Variants in SUGCT observed in about 807,000 individuals in gnomAD.
SUGCT encodes succinyl-CoA:glutarate-CoA transferase.
A neutral mutation model predicts 55.0 loss-of-function variants in SUGCT; 41 were observed. That is an observed-to-expected ratio of 0.74 (90% CI 0.58 to 0.97). The LOEUF is 0.97. SUGCT is among the 50% of genes least tolerant of loss of function. SUGCT has a pLI of 0.00. For synonymous variants in SUGCT, 187 were observed against 200.4 expected (o/e 0.93, Z 0.56); for missense variants, 568 against 547.8 (o/e 1.04, Z -0.37).
At chr7:40,867,241 CATATA>C in the SUGCT span, among the ~76,000 whole-genome samples, 213 of 149,564 alleles carry the variant, frequency 1.4e-3, 5 homozygotes, top group South Asian at 0.037. Flanking sequence ...TATCTCTCCG[CATATA>C]ATATATGATA....
intron 8 of SUGCT, among the ~76,000 whole-genome samples, chr7:40,280,034 A>G (rs1312802807): frequency 6.6e-6 from 1 of 152,280 alleles, no homozygotes; most frequent in Admixed American, 6.5e-5. Context: ...GTTAGTTGCT[A>G]AAAATGAAAT....
intron 1 of SUGCT, among the ~76,000 whole-genome samples, chr7:40,165,198 C>T (rs1290644272): frequency 6.6e-6 from 1 of 152,132 alleles, no homozygotes; most frequent in East Asian, 1.9e-4. Flanking sequence ...GTTTCTGTTT[C>T]ATATTGCTAT....
chr7:40,993,259 G>A, the SUGCT span, among the ~76,000 whole-genome samples: 3 of 152,004 alleles, frequency 2.0e-5, no homozygotes, highest in Admixed American at 1.3e-4. Context: ...CCACTAAATG[G>A]CAAGCTTTTC....
chr7:40,459,055 A>G (rs1217927775), intron 10 of SUGCT, 46 bp from the exon 11 acceptor site: 4 of 1,306,350 alleles, frequency 3.1e-6, no homozygotes, highest in Non-Finnish European at 1.1e-6. Flanking sequence ...AGGCAGGTAC[A>G]AGAACTACCT....
At chr7:40,186,594 T>G (rs1406984731) in intron 3 of SUGCT, among the ~76,000 whole-genome samples, 1 of 152,140 alleles carries the variant, frequency 6.6e-6, no homozygotes, top group Non-Finnish European at 1.5e-5. Flanking sequence ...TAGATGAGAT[T>G]ATTTTTATTT....
the SUGCT span, among the ~76,000 whole-genome samples, chr7:41,023,787 GCCT>G: frequency 0.091 from 13,819 of 151,956 alleles, 1,263 homozygotes; most frequent in African/African-American, 0.23. Flanking sequence ...TGTCCTTCAC[GCCT>G]CCTGTACTTC....
At chr7:40,216,519 AAAG>A (rs1315787436) in intron 6 of SUGCT, among the ~76,000 whole-genome samples, 1 of 151,372 alleles carries the variant, frequency 6.6e-6, no homozygotes, top group Non-Finnish European at 1.5e-5. Context: ...AAAAAAAAAA[AAAG>A]AAAGCATGAT....
At chr7:40,236,493 T>TA (rs1373016853) in intron 6 of SUGCT, among the ~76,000 whole-genome samples, 1 of 151,490 alleles carries the variant, frequency 6.6e-6, no homozygotes, top group Non-Finnish European at 1.5e-5. Context: ...TTTGTAATCT[T>TA]AAAAATCACT....
intron 1 of SUGCT, among the ~76,000 whole-genome samples, chr7:40,173,913 CTG>C (rs34789334): frequency 0.041 from 5,900 of 143,844 alleles, 181 homozygotes; most frequent in African/African-American, 0.092. Flanking sequence ...AATGTATATC[CTG>C]TGTGTGTGTG....
intron 12 of SUGCT, among the ~76,000 whole-genome samples, chr7:40,657,421 T>G (rs1801070486): frequency 6.6e-6 from 1 of 152,162 alleles, no homozygotes; most frequent in Non-Finnish European, 1.5e-5. Context: ...ATTATTAGAT[T>G]CTGTTTTAAG....
intron 12 of SUGCT, among the ~76,000 whole-genome samples, chr7:40,639,520 T>A (rs531997093): frequency 4.9e-4 from 74 of 151,706 alleles, no homozygotes; most frequent in African/African-American, 1.5e-3. Context: ...CAGATTTTTT[T>A]TTTTTTTTTT....
chr7:40,444,042 G>T (rs913233029), intron 9 of SUGCT, among the ~76,000 whole-genome samples: 7 of 152,042 alleles, frequency 4.6e-5, no homozygotes, highest in African/African-American at 1.7e-4. Context: ...TAGATTTGTG[G>T]TATTATTTCT....
chr7:40,862,674 G>C (rs1363659043), downstream of SUGCT, among the ~76,000 whole-genome samples: 1 of 151,884 alleles, frequency 6.6e-6, no homozygotes, highest in African/African-American at 2.4e-5. Flanking sequence ...GAAACTCAGT[G>C]GGGTAATCGT....
intron 9 of SUGCT, among the ~76,000 whole-genome samples, chr7:40,337,441 A>G (rs1482603384): frequency 6.6e-6 from 1 of 152,046 alleles, no homozygotes; most frequent in African/African-American, 2.4e-5. Context: ...CCTGTATTGG[A>G]TGCATATATA....
intron 11 of SUGCT, among the ~76,000 whole-genome samples, chr7:40,493,003 A>C (rs1381250937): frequency 6.6e-6 from 1 of 152,200 alleles, no homozygotes; most frequent in Non-Finnish European, 1.5e-5. Flanking sequence ...TATATACGAT[A>C]GAAGTGAAGA....
chr7:40,564,834 G>T (rs910843823), intron 12 of SUGCT, among the ~76,000 whole-genome samples: 1 of 152,162 alleles, frequency 6.6e-6, no homozygotes, highest in Non-Finnish European at 1.5e-5. Flanking sequence ...TCTAAGAGAC[G>T]TATTTATTAC....
chr7:40,586,691 A>G (rs545385107), intron 12 of SUGCT, among the ~76,000 whole-genome samples: 2 of 152,346 alleles, frequency 1.3e-5, no homozygotes, highest in South Asian at 4.1e-4. Flanking sequence ...TACAGGCCAC[A>G]TACTAGTTTA....
At chr7:40,756,239 A>G (rs1438748228) in intron 13 of SUGCT, among the ~76,000 whole-genome samples, 2 of 152,210 alleles carry the variant, frequency 1.3e-5, no homozygotes, top group Non-Finnish European at 2.9e-5. Flanking sequence ...AGCACCCTGT[A>G]TGCCAACTAG....
rs547144032 is a variant in SUGCT, at chr7:40,263,829, GT to G, written c.577-10679del. Among the ~76,000 whole-genome samples the G allele has an allele frequency of 3.4e-3, 513 of 152,148 alleles. 4 individuals carry two copies. Among genetic ancestry groups the G allele is most frequent in the African/African-American group, 0.012 (492 of 41,506 alleles). ...CCACCTGCAATGAAGATCAGAGAGAGTTTTTGCTTTCTTCTTTCCCCCTTCC... is the reference window on the plus strand; with the variant it reads ...CCACCTGCAATGAAGATCAGAGAGAGTTTTGCTTTCTTCTTTCCCCCTTCC... On this transcript the variant is annotated intron_variant, in intron 7 of 13. Transcript: ENST00000335693.
Sources: gnomAD v4.1 joint callset for allele counts (sites outside exome capture counted in the v4.1 genomes callset) on GRCh38, gnomAD v4.1.1 for gene constraint, MANE v1.5 for transcripts, NCBI Gene and HGNC (gene_info 2026-07-23, HGNC 2026-07-21) for gene names.